Variants in SLC6A15 observed in about 807,000 individuals in gnomAD.
SLC6A15 encodes solute carrier family 6 member 15.
SLC6A15 carries 33 observed loss-of-function variants against 68.5 expected under a neutral mutation model. The ratio of observed to expected loss-of-function variants is 0.48; its 90% CI spans 0.37 to 0.64. The LOEUF (loss-of-function observed/expected upper bound fraction) is 0.64, where lower values mean the gene tolerates loss of function less well. SLC6A15 is among the 30% of genes least tolerant of loss of function. The pLI is 0.00. For missense variants in SLC6A15, 747 were observed against 874.3 expected, an observed-to-expected ratio of 0.85 and a Z score of 1.84; for synonymous variants, 347 against 301.0, an observed-to-expected ratio of 1.15 and a Z score of -1.58.
intron 1 of SLC6A15, among the ~76,000 whole-genome samples, chr12:84,906,365 C>T (rs980862000): frequency 1.9e-4 from 29 of 152,108 alleles, no homozygotes; most frequent in African/African-American, 6.7e-4. Context: ...GTCAAATTTC[C>T]CTAAATTGAT....
chr12:84,883,021 A>G, intron 5 of SLC6A15: 2 of 985,260 alleles, frequency 2.0e-6, no homozygotes, highest in Non-Finnish European at 2.4e-6. Flanking sequence ...TTAGCCTGAA[A>G]TCAGTTATAC....
rs1387601477 is a variant in SLC6A15, at chr12:84,867,122, T to A, written c.1567A>T (p.Met523Leu). 6.2e-7 allele frequency: 1 copy of A among 1,612,854 alleles called. No homozygotes were observed. Among genetic ancestry groups the A allele is most frequent in the African/African-American group, 1.3e-5 (1 of 74,986 alleles). Reference sequence around the variant, plus strand: ...AGTGTAGCAGAATAATCATCAAACATTGTAACAAAGTAATTTCCAGAGCGT... The same window carrying A: ...AGTGTAGCAGAATAATCATCAAACAATGTAACAAAGTAATTTCCAGAGCGT... ...VQRSGNYFVT[M>L]FDDYSATLPL... Residue 523 changes from methionine (M) to leucine (L), a missense_variant, in exon 10 of 12, where the codon ATG (methionine) becomes TTG (leucine). By Grantham distance (15) the Met-to-Leu change is conservative. Coordinates refer to ENST00000266682, the MANE Select transcript of SLC6A15 (RefSeq NM_182767.6).
At chr12:84,890,461 A>G (rs996736385) in intron 2 of SLC6A15, among the ~76,000 whole-genome samples, 1 of 152,208 alleles carries the variant, frequency 6.6e-6, no homozygotes, top group African/African-American at 2.4e-5. Flanking sequence ...ATGATTTGTG[A>G]GAAACAAAAA....
At chr12:84,899,697 T>C (rs1413435644) in intron 1 of SLC6A15, among the ~76,000 whole-genome samples, 1 of 152,180 alleles carries the variant, frequency 6.6e-6, no homozygotes, top group East Asian at 1.9e-4. Flanking sequence ...CATTCATCTA[T>C]CTATGTATAT....
chr12:84,864,873 A>G (rs1270426545), intron 10 of SLC6A15, among the ~76,000 whole-genome samples: 1 of 152,162 alleles, frequency 6.6e-6, no homozygotes, highest in Admixed American at 6.5e-5. Flanking sequence ...TACTAGAACC[A>G]TAAACAATGG....
chr12:84,866,448 TA>T, intron 10 of SLC6A15, among the ~76,000 whole-genome samples: 1 of 152,304 alleles, frequency 6.6e-6, no homozygotes, highest in East Asian at 1.9e-4. Flanking sequence ...TGACTCTATA[TA>T]AAAATAATGT....
In SLC6A15 at chr12:84,867,108, A is replaced by C; in HGVS notation, c.1581T>G (p.Tyr527Ter). 1 of 1,613,120 alleles carries C rather than the reference A, an allele frequency of 6.2e-7. No homozygotes were observed. The highest frequency in any genetic ancestry group is 8.5e-7 in the Non-Finnish European group (1 of 1,179,466). Residue 527 changes from tyrosine to a stop codon, truncating the protein, a stop_gained, in exon 10 of 12, where the codon TAT becomes TAG. Coordinates refer to ENST00000266682, the MANE Select transcript of SLC6A15 (RefSeq NM_182767.6). LOFTEE classifies it high-confidence loss of function. Reference sequence around the variant, plus strand: ...CAATTAGCAGAGGCAGTGTAGCAGAATAATCATCAAACATTGTAACAAAGT... The same window carrying C: ...CAATTAGCAGAGGCAGTGTAGCAGACTAATCATCAAACATTGTAACAAAGT... ...GNYFVTMFDD[Y>*]SATLPLLIVV...
At chr12:84,870,701 A>G (rs1015766063) in intron 8 of SLC6A15, 31 bp from the exon 9 acceptor site, 26 of 1,423,478 alleles carry the variant, frequency 1.8e-5, no homozygotes, top group Non-Finnish European at 2.4e-5. Flanking sequence ...CAACATTAGT[A>G]CAGAGTAATT....
At chr12:84,887,953 C>T (rs1015943043) in intron 2 of SLC6A15, among the ~76,000 whole-genome samples, 2 of 152,034 alleles carry the variant, frequency 1.3e-5, no homozygotes, top group African/African-American at 2.4e-5. Flanking sequence ...AGGCTGGGCA[C>T]GGTGGCTCAT....
intron 5 of SLC6A15, among the ~76,000 whole-genome samples, chr12:84,880,427 C>T (rs1431596841): frequency 6.6e-6 from 1 of 152,132 alleles, no homozygotes; most frequent in African/African-American, 2.4e-5. Context: ...TTCTTCTCTC[C>T]ATGCGTTACG....
At chr12:84,878,788 C>CAGATATT (rs1335940111) in intron 5 of SLC6A15, among the ~76,000 whole-genome samples, 2 of 147,240 alleles carry the variant, frequency 1.4e-5, no homozygotes. Flanking sequence ...ATCCCATAAA[C>CAGATATT]CAACTGATCA....
rs111455092 is a variant in SLC6A15 at position 84,911,753 on chromosome 12, G to T, written c.-189+770C>A. Among the ~76,000 whole-genome samples the T allele has an allele frequency of 3.1e-4, 47 of 152,272 alleles. No homozygotes were observed. The East Asian group carries it at 6.6e-3, about 21-fold the overall frequency. Reference sequence around the variant, plus strand: ...TCACACACAGACCAGCCTAGTGAAAGAAAGGTAGAAACGATCTGGGTTTCT... The same window carrying T: ...TCACACACAGACCAGCCTAGTGAAATAAAGGTAGAAACGATCTGGGTTTCT... On this transcript the variant is annotated intron_variant, in intron 1 of 11. Transcript: ENST00000266682.
chr12:84,899,838 T>G (rs1342696172), intron 1 of SLC6A15, among the ~76,000 whole-genome samples: 1 of 152,156 alleles, frequency 6.6e-6, no homozygotes, highest in Non-Finnish European at 1.5e-5. Context: ...TAAATCTATT[T>G]TGAAGCACTT....
chr12:84,877,947 C>T (rs1182932945), intron 5 of SLC6A15, among the ~76,000 whole-genome samples: 3 of 152,096 alleles, frequency 2.0e-5, no homozygotes, highest in Non-Finnish European at 2.9e-5. Flanking sequence ...GTAACTCTAT[C>T]ATATGTATCT....
At chr12:84,905,531 T>C (rs537351575) in intron 1 of SLC6A15, among the ~76,000 whole-genome samples, 103 of 152,326 alleles carry the variant, frequency 6.8e-4, no homozygotes, top group Non-Finnish European at 1.2e-3. Context: ...TTATTCAACA[T>C]AGTATTGGAA....
At chr12:84,910,305 A>C (rs988471370) in intron 1 of SLC6A15, among the ~76,000 whole-genome samples, 2 of 152,108 alleles carry the variant, frequency 1.3e-5, no homozygotes, top group Non-Finnish European at 2.9e-5. Flanking sequence ...CTAAAAAAAA[A>C]CACAAACTGA....
Position 84,863,594 on chromosome 12 carries a change from C to T in SLC6A15, c.1663G>A (p.Glu555Lys). ...CFVYGIDKFM[E>K]DLKDMLGFAP... Reference sequence around the variant, plus strand: ...AAGCCCAGCATATCTTTTAGGTCTTCCATAAACCTGAATAAAAAGAAAGTA... The same window carrying T: ...AAGCCCAGCATATCTTTTAGGTCTTTCATAAACCTGAATAAAAAGAAAGTA... Residue 555 changes from glutamate to lysine, a missense_variant, in exon 11 of 12, where the codon GAA (glutamate) becomes AAA (lysine). Glu to Lys is a moderately conservative substitution (Grantham distance 56). Transcript: ENST00000266682. The T allele has an allele frequency of 6.5e-7, 1 of 1,527,646 alleles. No individual in the cohort carries two copies. Among genetic ancestry groups the T allele is most frequent in the Non-Finnish European group, 8.7e-7 (1 of 1,145,590 alleles). The allele number at this position is 1,527,646 out of a possible 1,614,324, so 94.6% of individuals were successfully genotyped here.
intron 1 of SLC6A15, among the ~76,000 whole-genome samples, chr12:84,901,991 G>T (rs189859792): frequency 6.6e-5 from 10 of 151,786 alleles, no homozygotes; most frequent in Non-Finnish European, 1.2e-4. Context: ...AAGAAAAATT[G>T]TCACCGTATG....
intron 1 of SLC6A15, among the ~76,000 whole-genome samples, chr12:84,901,055 T>A (rs974716689): frequency 1.3e-5 from 2 of 149,934 alleles, no homozygotes; most frequent in South Asian, 2.1e-4. Flanking sequence ...TACGTATATA[T>A]GTATACGTAT....
Sources: gnomAD v4.1 joint callset for allele counts (sites outside exome capture counted in the v4.1 genomes callset) on GRCh38, gnomAD v4.1.1 for gene constraint, MANE v1.5 for transcripts, NCBI Gene and HGNC (gene_info 2026-07-23, HGNC 2026-07-21) for gene names.